GNPDA2: variants seen among roughly 807,000 people sequenced by gnomAD.
GNPDA2 encodes glucosamine-6-phosphate deaminase 2, also known as glcN6P deaminase 2.
Under a neutral mutation model 27.0 loss-of-function variants are expected in GNPDA2, and 24 were observed. The ratio of observed to expected loss-of-function variants is 0.89; its 90% confidence interval spans 0.64 to 1.25. The LOEUF is 1.25. GNPDA2 is among the 50% of genes most tolerant of loss of function. GNPDA2 has a pLI of 0.00. For missense variants in GNPDA2, 286 were observed against 335.1 expected (o/e 0.85, Z 1.14); for synonymous variants, 94 against 108.4 (o/e 0.87, Z 0.83).
intron 4 of GNPDA2, among the ~76,000 whole-genome samples, chr4:44,711,820 T>C (rs1577586889): frequency 1.9e-5 from 2 of 104,786 alleles, no homozygotes; most frequent in South Asian, 5.8e-4. Flanking sequence ...TATATATATA[T>C]ATATATATAC....
rs564033098 is a variant in GNPDA2 at position 44,714,714 on chromosome 4, T to A, written c.409+2399A>T. 4.1e-5 allele frequency: 39 copies of A among 962,622 alleles called. No homozygotes were observed. The East Asian group carries it at 4.0e-3, about 99-fold the overall frequency. The allele number at this position is 962,622 out of a possible 1,614,324, so 59.6% of individuals were successfully genotyped here. On this transcript the variant is annotated intron_variant, in intron 4 of 6. Transcript: ENST00000295448. ...CCAGATGCCAATCCTCATCTAAAAA[T>A]CCAATGATGATAAACCTAGATCAAC...
intron 4 of GNPDA2, among the ~76,000 whole-genome samples, chr4:44,712,423 A>C (rs960878045): frequency 6.6e-6 from 1 of 152,180 alleles, no homozygotes; most frequent in African/African-American, 2.4e-5. Flanking sequence ...GCAAGTACAG[A>C]ATGCCAAAGT....
intron 4 of GNPDA2, among the ~76,000 whole-genome samples, chr4:44,715,489 G>T (rs1253389347): frequency 1.3e-5 from 2 of 151,996 alleles, no homozygotes; most frequent in Non-Finnish European, 2.9e-5. Flanking sequence ...AACATTTTTT[G>T]ATATAAGCAG....
At chr4:44,712,146 A>G (rs1284551752) in intron 4 of GNPDA2, among the ~76,000 whole-genome samples, 1 of 152,152 alleles carries the variant, frequency 6.6e-6, no homozygotes, top group East Asian at 1.9e-4. Context: ...GAATCTTTCC[A>G]TGACATAAAT....
chr4:44,702,261 A>G lies in GNPDA2; in HGVS notation c.*820T>C, dbSNP rs139906029. 1 of 612,666 alleles carries G rather than the reference A, an allele frequency of 1.6e-6. No homozygotes were observed. The highest frequency in any genetic ancestry group is 2.0e-6 in the Non-Finnish European group (1 of 489,066). The allele number at this position is 612,666 out of a possible 1,614,324, so 38.0% of individuals were successfully genotyped here. A position where few individuals can be genotyped will look rare whatever the true frequency, so the allele number is the denominator to read the frequency against. On this transcript the variant is annotated 3_prime_UTR_variant, in exon 7 of 7. Coordinates refer to ENST00000295448, the MANE Select transcript of GNPDA2 (RefSeq NM_138335.3). The stretch of plus-strand genomic sequence containing the variant: ...GTAATTCCTTTTATATATACTTCGT[A>G]TTATTCTTTTAGACATTTTATAAGG...
chr4:44,707,520 T>A (rs1449757484), intron 6 of GNPDA2: 2 of 428,284 alleles, frequency 4.7e-6, no homozygotes, highest in African/African-American at 4.1e-5. Context: ...TCAAGAAAAA[T>A]TGTTTACTGA....
intron 1 of GNPDA2, among the ~76,000 whole-genome samples, chr4:44,725,343 G>T (rs1190336753): frequency 1.3e-5 from 2 of 152,186 alleles, no homozygotes; most frequent in Non-Finnish European, 2.9e-5. Flanking sequence ...GACTCAAAGA[G>T]ACATTAGCCA....
intron 5 of GNPDA2, among the ~76,000 whole-genome samples, chr4:44,710,390 A>G (rs1002903977): frequency 2.9e-4 from 44 of 152,146 alleles, no homozygotes; most frequent in African/African-American, 9.9e-4. Flanking sequence ...TGTATTCTCA[A>G]GGAAGAAAAT....
intron 1 of GNPDA2, among the ~76,000 whole-genome samples, chr4:44,726,127 T>C (rs1263630200): frequency 1.3e-5 from 2 of 152,160 alleles, no homozygotes; most frequent in African/African-American, 2.4e-5. Context: ...TCCCCTCAGC[T>C]GCGCGTTTGC....
intron 6 of GNPDA2, chr4:44,707,470 T>C: frequency 2.4e-6 from 1 of 424,988 alleles, no homozygotes; most frequent in Non-Finnish European, 4.1e-6. Flanking sequence ...TATTTGGTCT[T>C]GTATATTCAA....
intron 6 of GNPDA2, chr4:44,703,594 T>C: frequency 1.0e-6 from 1 of 982,482 alleles, no homozygotes; most frequent in African/African-American, 1.7e-5. Flanking sequence ...TAAATTACTT[T>C]CCAATAGTTT....
chr4:44,713,247 G>C (rs1196955478), intron 4 of GNPDA2, among the ~76,000 whole-genome samples: 1 of 152,126 alleles, frequency 6.6e-6, no homozygotes, highest in Non-Finnish European at 1.5e-5. Flanking sequence ...ATAAGCACTT[G>C]TCTCAGGCTG....
At position 44,703,005 on chromosome 4, in the gene GNPDA2, T is replaced by G. The variant is rs1716366049; in HGVS notation, c.*76A>C. The G allele has an allele frequency of 3.1e-6, 5 of 1,588,318 alleles. No individual in the cohort carries two copies. Among genetic ancestry groups the G allele is most frequent in the Non-Finnish European group, 4.3e-6 (5 of 1,172,574 alleles). ...CAAAATTCCCCATGTTTTGTCATAT[T>G]GCATAGCTGAAAATTCATCTACTAC... On this transcript the variant is annotated 3_prime_UTR_variant, in exon 7 of 7. Transcript: ENST00000295448.
In GNPDA2 at chr4:44,702,248, A is replaced by C. The variant is rs544441208; in HGVS notation, c.*833T>G. On this transcript the variant is annotated 3_prime_UTR_variant, in exon 7 of 7. Transcript: ENST00000295448. ...AATGTAGTTTACAGTAATTCCTTTT[A>C]TATATACTTCGTATTATTCTTTTAG... 1.6e-6 allele frequency: 1 copy of C among 631,684 alleles called. No individual in the cohort carries two copies. The highest frequency in any genetic ancestry group is 2.0e-5 in the African/African-American group (1 of 50,496). 39.1% of individuals were successfully genotyped at this position (631,684 alleles called of 1,614,324 possible). A position where few individuals can be genotyped will look rare whatever the true frequency, so the allele number is the denominator to read the frequency against.
At chr4:44,705,153 G>C in intron 6 of GNPDA2, 1 of 984,716 alleles carries the variant, frequency 1.0e-6, no homozygotes, top group Non-Finnish European at 1.2e-6. Context: ...ACAGAAGAAA[G>C]GGTAGTGATG....
At chr4:44,714,568 C>A (rs1418080995) in intron 4 of GNPDA2, 1 of 984,688 alleles carries the variant, frequency 1.0e-6, no homozygotes, top group East Asian at 1.1e-4. Flanking sequence ...GCTTCAAGCC[C>A]AAACTGCAAT....
rs1716377289 is a variant in GNPDA2, at chr4:44,703,157, G to A, written c.770-15C>T. 2 of 1,603,614 alleles carry A rather than the reference G, an allele frequency of 1.2e-6. No individual in the cohort carries two copies. Among genetic ancestry groups the A allele is most frequent in the Non-Finnish European group, 1.7e-6 (2 of 1,176,826 alleles). ...ATGCATTAGACCTTAAAGAAAAAAAGCACAGTTCTAGTTGTTTTTATTAAT... is the reference window on the plus strand; with the variant it reads ...ATGCATTAGACCTTAAAGAAAAAAAACACAGTTCTAGTTGTTTTTATTAAT... On this transcript the variant is annotated splice_polypyrimidine_tract_variant and intron_variant, in intron 6 of 6. Coordinates refer to ENST00000295448, the MANE Select transcript of GNPDA2 (RefSeq NM_138335.3).
At position 44,717,309 on chromosome 4, in the gene GNPDA2, TAATAAA is replaced by T. The variant is rs1717366667; in HGVS notation, c.227-20_227-15del. The T allele has an allele frequency of 7.4e-7, 1 of 1,351,600 alleles. No individual in the cohort carries two copies. Among genetic ancestry groups the T allele is most frequent in the Non-Finnish European group, 1.0e-6 (1 of 987,182 alleles). The allele number at this position is 1,351,600 out of a possible 1,614,324, so 83.7% of individuals were successfully genotyped here. ...TTCTTGGAAGTCCTAAAGATGAAGT[TAATAAA>T]AATATAAGTATTCCTGAAATAAATC... On this transcript the variant is annotated splice_polypyrimidine_tract_variant and intron_variant, in intron 3 of 6. Coordinates refer to ENST00000295448, the MANE Select transcript of GNPDA2 (RefSeq NM_138335.3).
intron 5 of GNPDA2, among the ~76,000 whole-genome samples, chr4:44,708,443 A>AT (rs1304582860): frequency 6.6e-6 from 1 of 152,134 alleles, no homozygotes; most frequent in Non-Finnish European, 1.5e-5. Context: ...TTGACTCAGA[A>AT]TAAAAACTGG....
Sources: gnomAD v4.1 joint callset for allele counts (sites outside exome capture counted in the v4.1 genomes callset) on GRCh38, gnomAD v4.1.1 for gene constraint, MANE v1.5 for transcripts, NCBI Gene and HGNC (gene_info 2026-07-23, HGNC 2026-07-21) for gene names.